Variants in OTUD7B observed in about 807,000 individuals in gnomAD.
OTUD7B encodes OTU deubiquitinase 7B, also known as OTU domain-containing protein 7B.
OTUD7B carries 34 observed loss-of-function variants against 82.2 expected under a neutral mutation model. The ratio of observed to expected loss-of-function variants is 0.41; its 90% CI spans 0.31 to 0.55. The LOEUF (loss-of-function observed/expected upper bound fraction) is 0.55. OTUD7B is among the 20% of genes least tolerant of loss of function. The pLI is 0.20. For missense variants in OTUD7B, 944 were observed against 1,062.1 expected (o/e 0.89, Z 1.55); for synonymous variants, 398 against 402.7 (o/e 0.99, Z 0.14).
intron 1 of OTUD7B, among the ~76,000 whole-genome samples, chr1:149,991,502 G>A (rs1354627356): frequency 6.6e-6 from 1 of 152,070 alleles, no homozygotes; most frequent in East Asian, 1.9e-4. Context: ...GTCTTATGTA[G>A]AACAAACCTG....
the OTUD7B span, chr1:150,054,674 G>A: frequency 6.2e-6 from 2 of 324,444 alleles, no homozygotes; most frequent in Non-Finnish European, 1.2e-5. Context: ...CGGGTGTGGT[G>A]GCATGGGCCT....
chr1:150,016,802 T>C, the OTUD7B span, among the ~76,000 whole-genome samples: 1 of 152,186 alleles, frequency 6.6e-6, no homozygotes, highest in African/African-American at 2.4e-5. Context: ...GATAAGTTCA[T>C]GCTACCAATG....
At chr1:149,959,524 TC>T (rs1164148124) in intron 7 of OTUD7B, among the ~76,000 whole-genome samples, 159 bp downstream of exon 7, 1 of 152,214 alleles carries the variant, frequency 6.6e-6, no homozygotes, top group African/African-American at 2.4e-5. Flanking sequence ...TACCTGTAGT[TC>T]CTAAACATAT....
At chr1:149,965,593 G>A (rs1436292733) in intron 5 of OTUD7B, among the ~76,000 whole-genome samples, 184 bp downstream of exon 5, 2 of 152,090 alleles carry the variant, frequency 1.3e-5, no homozygotes, top group Non-Finnish European at 2.9e-5. Flanking sequence ...GCAAAGGTAG[G>A]GCTCACTCCC....
intron 1 of OTUD7B, among the ~76,000 whole-genome samples, chr1:150,004,840 A>G (rs1307123984): frequency 6.6e-6 from 1 of 151,894 alleles, no homozygotes; most frequent in African/African-American, 2.4e-5. Flanking sequence ...CCTTGTACCT[A>G]ATACAATAAC....
chr1:150,019,393 G>A, the OTUD7B span, among the ~76,000 whole-genome samples: 1 of 151,928 alleles, frequency 6.6e-6, no homozygotes, highest in Non-Finnish European at 1.5e-5. Context: ...TTGGAGACAG[G>A]GTCTTGCTCT....
At chr1:149,950,692 T>C (rs1648123846) in intron 7 of OTUD7B, among the ~76,000 whole-genome samples, 1 of 152,086 alleles carries the variant, frequency 6.6e-6, no homozygotes, top group East Asian at 1.9e-4. Context: ...ATCTATCCAG[T>C]AGCATAATCA....
upstream of OTUD7B, among the ~76,000 whole-genome samples, chr1:150,014,044 G>GTGTGTGTATATATA (rs1219959925): frequency 1.2e-4 from 13 of 106,586 alleles, no homozygotes; most frequent in Non-Finnish European, 2.2e-4. Flanking sequence ...ACGTATATAT[G>GTGTGTGTATATATA]TGTGTGTATA....
chr1:149,945,209 C>T (rs1647628745), intron 11 of OTUD7B, 144 bp from the exon 12 acceptor site: 7 of 1,098,726 alleles, frequency 6.4e-6, no homozygotes, highest in Non-Finnish European at 8.8e-6. Flanking sequence ...AAAGGATGGA[C>T]ACCTATGAAC....
chr1:150,053,584 C>A, the OTUD7B span, among the ~76,000 whole-genome samples: 1 of 151,758 alleles, frequency 6.6e-6, no homozygotes, highest in Non-Finnish European at 1.5e-5. Context: ...TTAGTAGAGA[C>A]GAGGTTTCTC....
chr1:149,948,104 C>CGAGTAGATG (rs1260333583), intron 10 of OTUD7B, among the ~76,000 whole-genome samples: 4 of 152,070 alleles, frequency 2.6e-5, no homozygotes, highest in Non-Finnish European at 4.4e-5. Context: ...CTCAGCCTCC[C>CGAGTAGATG]GAGTAGATGG....
chr1:150,043,598 A>G, the OTUD7B span, among the ~76,000 whole-genome samples: 2 of 152,190 alleles, frequency 1.3e-5, no homozygotes, highest in African/African-American at 4.8e-5. Flanking sequence ...GCAGATGATG[A>G]ATGACTTTAT....
intron 10 of OTUD7B, among the ~76,000 whole-genome samples, chr1:149,947,567 T>C (rs1647851681): frequency 6.6e-6 from 1 of 152,170 alleles, no homozygotes; most frequent in South Asian, 2.1e-4. Context: ...CCTGTAGGGT[T>C]GTTGTAAAGA....
At chr1:149,966,039 G>A (rs1649501820) in intron 4 of OTUD7B, among the ~76,000 whole-genome samples, 161 bp from the exon 5 acceptor site, 1 of 152,244 alleles carries the variant, frequency 6.6e-6, no homozygotes, top group South Asian at 2.1e-4. Context: ...TATCTAGTCA[G>A]TCAGAATCTT....
chr1:149,968,609 G>T lies in OTUD7B; in HGVS notation c.275-1088C>A, dbSNP rs587685241. On this transcript the variant is annotated intron_variant, in intron 3 of 11. Transcript: ENST00000581312. The stretch of plus-strand genomic sequence containing the variant: ...GGGGCAAAATTTCAAAAGCATGTTG[G>T]GCTGTTCTTAATACAACATTTGCCA... Among the ~76,000 whole-genome samples the T allele has an allele frequency of 3.3e-5, 5 of 152,184 alleles. No individual in the cohort carries two copies. The East Asian group carries it at 9.6e-4, about 29-fold the overall frequency.
intron 5 of OTUD7B, among the ~76,000 whole-genome samples, chr1:149,964,894 T>G (rs1273565582): frequency 7.7e-6 from 1 of 130,578 alleles, no homozygotes; most frequent in Non-Finnish European, 1.6e-5. Flanking sequence ...ACGCCTGACC[T>G]TTTTTTTTTT....
chr1:149,989,531 C>G (rs1416305606), intron 1 of OTUD7B, among the ~76,000 whole-genome samples: 1 of 149,382 alleles, frequency 6.7e-6, no homozygotes, highest in African/African-American at 2.5e-5. Flanking sequence ...TGGCACACAC[C>G]TGTAGTCCCA....
Position 149,945,035 on chromosome 1 carries a change from C to A in OTUD7B, c.1354G>T (p.Ala452Ser). The A allele has an allele frequency of 6.2e-7, 1 of 1,613,872 alleles. No homozygotes were observed. Among genetic ancestry groups the A allele is most frequent in the East Asian group, 2.2e-5 (1 of 44,878 alleles). The part of the protein sequence containing the change: ...APLAQPESPT[A>S]SAGDEPRSTP... The stretch of plus-strand genomic sequence containing the variant: ...GACCGGGGCTCATCTCCAGCTGAGG[C>A]GGTGGGGGACTCAGGCTGGGCCAGA... The change falls in exon 12 of 12, where the codon GCC becomes TCC. Residue 452 changes from alanine to serine, a missense_variant. Physicochemically the swap from Ala to Ser is moderately conservative, Grantham distance 99. Coordinates refer to ENST00000581312, the MANE Select transcript of OTUD7B (RefSeq NM_020205.4).
At chr1:150,012,857 G>C (rs1442892937), upstream of OTUD7B, among the ~76,000 whole-genome samples, 1 of 152,254 alleles carries the variant, frequency 6.6e-6, no homozygotes, top group Non-Finnish European at 1.5e-5. Flanking sequence ...AGCCCAGGCT[G>C]TGTGGGTAGC....
Sources: allele counts gnomAD v4.1 joint callset (sites outside exome capture counted in the v4.1 genomes callset), GRCh38; gene constraint gnomAD v4.1.1; transcripts MANE v1.5; gene names NCBI Gene and HGNC (gene_info 2026-07-23, HGNC 2026-07-21).